Variants in SYNPR observed in about 807,000 individuals in gnomAD.
SYNPR encodes synaptoporin.
A neutral mutation model predicts 32.9 loss-of-function variants in SYNPR; 23 were observed. That is an observed-to-expected ratio of 0.70 (90% CI 0.50 to 0.99). SYNPR has a LOEUF of 0.99. Ranked by LOEUF, SYNPR falls within the 50% of genes least tolerant of loss-of-function variation. The pLI is 0.00. For synonymous variants in SYNPR, 146 were observed against 135.9 expected (o/e 1.07, Z -0.52); for missense variants, 318 against 349.3 (o/e 0.91, Z 0.71).
At chr3:63,349,768 C>G (rs1451305) in intron 2 of SYNPR, among the ~76,000 whole-genome samples, 111,191 of 152,096 alleles carry the variant, frequency 0.73, 41,614 homozygotes, top group Non-Finnish European at 0.81. Flanking sequence ...AGCATCAACT[C>G]CCTTTGCCCA....
chr3:63,249,249 T>G (rs2086313210), intron 1 of SYNPR, among the ~76,000 whole-genome samples: 1 of 152,148 alleles, frequency 6.6e-6, no homozygotes, highest in Non-Finnish European at 1.5e-5. Context: ...GATCATATTT[T>G]CAGCTATCAG....
At chr3:63,245,704 AGAGAGAGTGT>A (rs548384347) in intron 1 of SYNPR, among the ~76,000 whole-genome samples, 2,339 of 102,138 alleles carry the variant, frequency 0.023, 29 homozygotes, top group African/African-American at 0.084. Context: ...AGAGAGAGAG[AGAGAGAGTGT>A]GTGTGTGTGT....
intron 2 of SYNPR, among the ~76,000 whole-genome samples, chr3:63,333,841 G>T (rs1651627735): frequency 6.6e-6 from 1 of 151,890 alleles, no homozygotes; most frequent in African/African-American, 2.4e-5. Context: ...TTATCCATTT[G>T]TATTAAAATA....
At chr3:63,350,019 CT>C (rs2087484873) in intron 2 of SYNPR, among the ~76,000 whole-genome samples, 1 of 152,088 alleles carries the variant, frequency 6.6e-6, no homozygotes, top group Non-Finnish European at 1.5e-5. Context: ...AAATGCAGGT[CT>C]TTTGCAGTCT....
chr3:63,433,506 A>G (rs73110869), intron 2 of SYNPR, among the ~76,000 whole-genome samples: 1 of 152,356 alleles, frequency 6.6e-6, no homozygotes, highest in Non-Finnish European at 1.5e-5. Flanking sequence ...AGTAATACAT[A>G]ATCAACTATT....
chr3:63,563,401 C>T lies in SYNPR; in HGVS notation c.408+6660C>T, dbSNP rs148241550. Among the ~76,000 whole-genome samples, 333 of 152,260 alleles carry T rather than the reference C, an allele frequency of 2.2e-3. 1 individual carries two copies. Among genetic ancestry groups the T allele is most frequent in the African/African-American group, 7.2e-3 (301 of 41,564 alleles). ...ACAAAGAGATATGGAGCTGGATGCT[C>T]AAATAATCAAATGCTCTTTCCCACC... On this transcript the variant is annotated intron_variant, in intron 4 of 5. Coordinates refer to ENST00000478300, the MANE Select transcript of SYNPR (RefSeq NM_001130003.2).
intron 2 of SYNPR, among the ~76,000 whole-genome samples, chr3:63,446,324 G>C (rs900041330): frequency 5.3e-5 from 8 of 150,210 alleles, no homozygotes; most frequent in African/African-American, 1.7e-4. Context: ...TAGCTGGAAA[G>C]GGCTGAGGTA....
chr3:63,241,870 T>C (rs541738337), intron 1 of SYNPR, among the ~76,000 whole-genome samples: 1 of 152,170 alleles, frequency 6.6e-6, no homozygotes, highest in South Asian at 2.1e-4. Context: ...TGATGGAAAA[T>C]TTAAAAAGTT....
intron 1 of SYNPR, among the ~76,000 whole-genome samples, chr3:63,241,088 T>G (rs1405798908): frequency 2.6e-5 from 4 of 151,996 alleles, no homozygotes; most frequent in African/African-American, 9.7e-5. Context: ...GTACCCACTA[T>G]CAGGATCCAC....
chr3:63,408,159 AAAGAAAGAAAG>A (rs759905762), intron 2 of SYNPR, among the ~76,000 whole-genome samples: 1 of 54,286 alleles, frequency 1.8e-5, no homozygotes, highest in African/African-American at 8.9e-5. Context: ...AGAAAGAAAG[AAAGAAAGAAAG>A]AAAGAAAGAA....
chr3:63,527,929 G>C (rs1340097706), intron 3 of SYNPR, among the ~76,000 whole-genome samples: 1 of 152,124 alleles, frequency 6.6e-6, no homozygotes, highest in Non-Finnish European at 1.5e-5. Context: ...TTTGTCTTGA[G>C]TTACAGCATG....
At chr3:63,553,895 A>AT (rs1316712306) in intron 3 of SYNPR, among the ~76,000 whole-genome samples, 6 of 151,758 alleles carry the variant, frequency 4.0e-5, no homozygotes, top group Non-Finnish European at 2.9e-5. Flanking sequence ...CTAATTTTAT[A>AT]TTTTTAGTAG....
At position 63,344,420 on chromosome 3, in the gene SYNPR, G is replaced by GT. The variant is rs1436152368; in HGVS notation, c.84+65682dup. Among the ~76,000 whole-genome samples, 14 of 151,964 alleles carry GT rather than the reference G, an allele frequency of 9.2e-5. No homozygotes were observed. In the East Asian group the frequency reaches 2.7e-3, roughly 29 times the overall value. Reference sequence around the variant, plus strand: ...AATATAAAGGTCCAGGAACAAAGAGGTTTTCTATTTATAAAGTTTTAGAAA... The same window carrying GT: ...AATATAAAGGTCCAGGAACAAAGAGGTTTTTCTATTTATAAAGTTTTAGAAA... On this transcript the variant is annotated intron_variant, in intron 2 of 5. Transcript: ENST00000478300.
chr3:63,416,784 T>C (rs1459495983), intron 2 of SYNPR, among the ~76,000 whole-genome samples: 2 of 152,004 alleles, frequency 1.3e-5, no homozygotes, highest in African/African-American at 4.8e-5. Context: ...AATTCCCCCC[T>C]GTAAAACCAT....
intron 2 of SYNPR, among the ~76,000 whole-genome samples, chr3:63,418,018 C>A (rs935305839): frequency 6.6e-6 from 1 of 152,218 alleles, no homozygotes; most frequent in African/African-American, 2.4e-5. Context: ...AATTTCTACT[C>A]AGAAAATGGG....
intron 3 of SYNPR, among the ~76,000 whole-genome samples, chr3:63,505,764 C>T (rs1701575447): frequency 6.6e-6 from 1 of 152,174 alleles, no homozygotes; most frequent in Non-Finnish European, 1.5e-5. Context: ...CAGCTAACAT[C>T]TTTATGCAAA....
intron 2 of SYNPR, chr3:63,289,564 T>A (rs2086718596): frequency 6.6e-6 from 1 of 152,344 alleles, no homozygotes; most frequent in African/African-American, 2.4e-5. Context: ...GAGAGAGAAT[T>A]CATTCACACA....
chr3:63,222,147 G>GAT, the SYNPR span, among the ~76,000 whole-genome samples: 1 of 149,986 alleles, frequency 6.7e-6, no homozygotes, highest in Non-Finnish European at 1.5e-5. Flanking sequence ...CATTCTTCCT[G>GAT]ATAGAATAGA....
At chr3:63,306,350 A>C (rs906870251) in intron 2 of SYNPR, among the ~76,000 whole-genome samples, 1 of 151,898 alleles carries the variant, frequency 6.6e-6, no homozygotes, top group Non-Finnish European at 1.5e-5. Flanking sequence ...ATATGTTTGA[A>C]TTTAAAGCAA....
Sources: allele counts gnomAD v4.1 joint callset (sites outside exome capture counted in the v4.1 genomes callset), GRCh38; gene constraint gnomAD v4.1.1; transcripts MANE v1.5; gene names NCBI Gene and HGNC (gene_info 2026-07-23, HGNC 2026-07-21).